Variants in MS4A14 observed in about 807,000 individuals in gnomAD.
MS4A14 encodes membrane-spanning 4-domains subfamily A member 14.
In MS4A14, 18 loss-of-function variants were observed where a neutral mutation model predicts 16.7. The observed-to-expected ratio is 1.08, with a 90% CI of 0.75 to 1.60. The LOEUF (loss-of-function observed/expected upper bound fraction) is 1.60. Among genes scored for constraint, MS4A14 ranks in the 40% most tolerant of loss-of-function variants. The pLI is 0.00. For synonymous variants in MS4A14, 305 were observed against 289.4 expected, an observed-to-expected ratio of 1.05 and a Z score of -0.55; for missense variants, 812 against 775.3, an observed-to-expected ratio of 1.05 and a Z score of -0.56.
At chr11:60,414,983 T>C (rs1397474508) in intron 4 of MS4A14, among the ~76,000 whole-genome samples, 1 of 152,148 alleles carries the variant, frequency 6.6e-6, no homozygotes, top group African/African-American at 2.4e-5. Flanking sequence ...TTGCATTTGC[T>C]GAATTGTATT....
At position 60,403,272 on chromosome 11, in the gene MS4A14, G is replaced by A. The variant is rs2085742054; in HGVS notation, c.468+211G>A. 9.2e-6 allele frequency: 5 copies of A among 542,138 alleles called. 1 individual carries two copies. The South Asian group carries it at 1.0e-4, about 11-fold the overall frequency. 33.6% of individuals were successfully genotyped at this position (542,138 alleles called of 1,614,324 possible). A position where few individuals can be genotyped will look rare whatever the true frequency, so the allele number is the denominator to read the frequency against. ...CTGTTCACACAAGCTTGTCACCTTG[G>A]CCTAATATTGTATTCTCTCTAAGCT... is the stretch of plus-strand genomic sequence containing the variant. On this transcript the variant is annotated intron_variant, in intron 4 of 4. Transcript: ENST00000300187.
intron 4 of MS4A14, among the ~76,000 whole-genome samples, chr11:60,413,336 G>C (rs2085894279): frequency 6.6e-6 from 1 of 150,924 alleles, no homozygotes; most frequent in Non-Finnish European, 1.5e-5. Context: ...CTATTACACT[G>C]TGTAGTCTCC....
At chr11:60,408,578 CTTAT>C (rs1312068600) in intron 4 of MS4A14, among the ~76,000 whole-genome samples, 3 of 152,094 alleles carry the variant, frequency 2.0e-5, no homozygotes, top group Non-Finnish European at 4.4e-5. Context: ...CTCTAACTGG[CTTAT>C]TTGAGTAAGC....
At chr11:60,403,124 A>G (rs781248005) in intron 4 of MS4A14, 63 bp downstream of exon 4, 1 of 1,508,966 alleles carries the variant, frequency 6.6e-7, no homozygotes, top group Non-Finnish European at 9.2e-7. Flanking sequence ...TCCATGATGT[A>G]ATGATTCACT....
In MS4A14 at chr11:60,397,985, G is replaced by C. The variant is rs1307716699; in HGVS notation, c.267+5G>C. ...CCATTCTGGGGAGCACTTATTGTGA[G>C]TACTGTCGATTAGAAGCTTTGGAGA... On this transcript the variant is annotated splice_donor_5th_base_variant and intron_variant, in intron 2 of 4. Coordinates refer to ENST00000300187, the MANE Select transcript of MS4A14 (RefSeq NM_032597.5). The C allele has an allele frequency of 5.0e-6, 8 of 1,612,500 alleles. No individual in the cohort carries two copies. The highest frequency in any genetic ancestry group is 6.8e-6 in the Non-Finnish European group (8 of 1,178,962).
chr11:60,407,989 T>C (rs1222789276), intron 4 of MS4A14, among the ~76,000 whole-genome samples: 1 of 152,226 alleles, frequency 6.6e-6, no homozygotes, highest in East Asian at 1.9e-4. Flanking sequence ...TTTTCTTCTA[T>C]CTTTTCCTAC....
At chr11:60,409,690 G>C (rs771470358) in intron 4 of MS4A14, among the ~76,000 whole-genome samples, 2 of 151,572 alleles carry the variant, frequency 1.3e-5, no homozygotes, top group African/African-American at 2.4e-5. Context: ...TGGGAGTACA[G>C]ATGTTTCTCC....
intron 4 of MS4A14, among the ~76,000 whole-genome samples, chr11:60,413,111 A>C (rs2085891126): frequency 6.6e-6 from 1 of 151,862 alleles, no homozygotes; most frequent in African/African-American, 2.4e-5. Flanking sequence ...GATATTGTAC[A>C]TGGTATTTTT....
chr11:60,411,307 CTG>C (rs913086943), intron 4 of MS4A14, among the ~76,000 whole-genome samples: 4 of 152,230 alleles, frequency 2.6e-5, no homozygotes, highest in Non-Finnish European at 4.4e-5. Flanking sequence ...AAGAAAAAGA[CTG>C]TTGGAATTTT....
rs1590825340 is a variant in MS4A14 at position 60,417,318 on chromosome 11, T to G, written c.*310T>G. On this transcript the variant is annotated 3_prime_UTR_variant, in exon 5 of 5. Transcript: ENST00000300187. Reference sequence around the variant, plus strand: ...CAATCAGAAGACGTGAAGGCAGATTTTCATTCTTCTTCTGGCCAAAGCTCA... The same window carrying G: ...CAATCAGAAGACGTGAAGGCAGATTGTCATTCTTCTTCTGGCCAAAGCTCA... The G allele has an allele frequency of 4.5e-6, 1 of 221,178 alleles. No homozygotes were observed. The highest frequency in any genetic ancestry group is 1.1e-4 in the East Asian group (1 of 9,496). The allele number at this position is 221,178 out of a possible 1,614,324, so 13.7% of individuals were successfully genotyped here.
At position 60,405,859 on chromosome 11, in the gene MS4A14, A is replaced by G. The variant is rs781055006; in HGVS notation, c.468+2798A>G. 7.1e-5 allele frequency: 103 copies of G among 1,450,236 alleles called. 2 individuals are homozygous for G. The South Asian group carries it at 1.0e-3, about 14-fold the overall frequency. The allele number at this position is 1,450,236 out of a possible 1,614,324, so 89.8% of individuals were successfully genotyped here. Reference sequence around the variant, plus strand: ...TTTAAAATAACAGCTCTCATTTCAAATACCATTTATTTCTCCTCATTATTT... The same window carrying G: ...TTTAAAATAACAGCTCTCATTTCAAGTACCATTTATTTCTCCTCATTATTT... On this transcript the variant is annotated intron_variant, in intron 4 of 4. Transcript: ENST00000300187.
intron 3 of MS4A14, among the ~76,000 whole-genome samples, chr11:60,402,030 AC>A (rs2085720992): frequency 6.6e-6 from 1 of 152,210 alleles, no homozygotes; most frequent in African/African-American, 2.4e-5. Flanking sequence ...TACAGCAAAT[AC>A]CTGATGAATG....
At chr11:60,408,697 C>T (rs1236280293) in intron 4 of MS4A14, among the ~76,000 whole-genome samples, 1 of 152,072 alleles carries the variant, frequency 6.6e-6, no homozygotes, top group Non-Finnish European at 1.5e-5. Context: ...TTTGCTTAGC[C>T]ATTAATTTGT....
At position 60,415,990 on chromosome 11, in the gene MS4A14, C is replaced by G; in HGVS notation, c.1022C>G (p.Ser341Ter). 3.1e-6 allele frequency: 5 copies of G among 1,613,936 alleles called. No homozygotes were observed. The highest frequency in any genetic ancestry group is 4.2e-6 in the Non-Finnish European group (5 of 1,179,922). Residue 341 changes from serine (S) to a stop codon, truncating the protein, a stop_gained, in exon 5 of 5, where the codon TCA (serine) becomes TGA (stop). Transcript: ENST00000300187. LOFTEE classifies it low-confidence loss of function (END_TRUNC). ...CAAACCATGCCATCTAAGTCTACAT[C>G]ATCCCATGTCAAACAGTCTTCTAAT... ...SEQTMPSKST[S>*]SHVKQSSNLT... is the part of the protein sequence containing the mutation.
chr11:60,407,504 A>G (rs907035012), intron 4 of MS4A14, among the ~76,000 whole-genome samples: 9 of 152,186 alleles, frequency 5.9e-5, no homozygotes, highest in Non-Finnish European at 1.0e-4. Context: ...AAAATACCAA[A>G]CAGTTTGTCA....
At chr11:60,407,697 A>G (rs1013001952) in intron 4 of MS4A14, among the ~76,000 whole-genome samples, 1 of 152,132 alleles carries the variant, frequency 6.6e-6, no homozygotes, top group Non-Finnish European at 1.5e-5. Context: ...CACTCTTGCT[A>G]TATGTTTATT....
In MS4A14 at chr11:60,415,844, G is replaced by A; in HGVS notation, c.876G>A (p.Lys292=). Reference sequence around the variant, plus strand: ...TACAACCTTCTCAAATGCAAACCAAGCTTCTGCAGGACCAAGCTGCGTCAC... The same window carrying A: ...TACAACCTTCTCAAATGCAAACCAAACTTCTGCAGGACCAAGCTGCGTCAC... ...AIVQPSQMQT[K]LLQDQAASLQ... Residue 292 remains lysine, a synonymous_variant, in exon 5 of 5, where the codon AAG becomes AAA. Transcript: ENST00000300187. 2 of 1,613,838 alleles carry A rather than the reference G, an allele frequency of 1.2e-6. No homozygotes were observed. The highest frequency in any genetic ancestry group is 8.5e-7 in the Non-Finnish European group (1 of 1,179,918).
At chr11:60,402,777 C>T (rs2085733136) in intron 3 of MS4A14, 135 bp from the exon 4 acceptor site, 2 of 863,264 alleles carry the variant, frequency 2.3e-6, no homozygotes, top group Non-Finnish European at 1.8e-6. Flanking sequence ...TTAAGCCTTC[C>T]AATCATACTG....
At chr11:60,406,031 T>C (rs1048760940) in intron 4 of MS4A14, 51 of 1,242,704 alleles carry the variant, frequency 4.1e-5, no homozygotes, top group Non-Finnish European at 4.9e-5. Flanking sequence ...AACAGGTTCC[T>C]GTTCCTGTTG....
Sources: allele counts gnomAD v4.1 joint callset (sites outside exome capture counted in the v4.1 genomes callset), GRCh38; gene constraint gnomAD v4.1.1; transcripts MANE v1.5; gene names NCBI Gene and HGNC (gene_info 2026-07-23, HGNC 2026-07-21).